Variants in SLC4A10 observed in about 807,000 individuals in gnomAD.
SLC4A10 encodes sodium-driven chloride bicarbonate exchanger.
SLC4A10 carries 42 observed loss-of-function variants against 137.7 expected under a neutral mutation model. The observed-to-expected ratio is 0.30, with a 90% CI of 0.24 to 0.39. The LOEUF (loss-of-function observed/expected upper bound fraction) is 0.39. SLC4A10 is among the 10% of genes least tolerant of loss of function. The probability of loss-of-function intolerance (pLI) is 1.00; values close to 1 mark genes in which losing one functional copy is unlikely to be tolerated. For synonymous variants in SLC4A10, 474 were observed against 464.1 expected (o/e 1.02, Z -0.27); for missense variants, 925 against 1,355.0 (o/e 0.68, Z 4.98).
chr2:161,983,065 C>T, intron 26 of SLC4A10, 114 bp from the exon 27 acceptor site: 1 of 833,512 alleles, frequency 1.2e-6, no homozygotes, highest in East Asian at 2.7e-5. Context: ...GAGAGCAATG[C>T]CTACGGGCTC....
intron 3 of SLC4A10, among the ~76,000 whole-genome samples, chr2:161,816,613 A>G (rs1321173663): frequency 2.0e-5 from 3 of 150,122 alleles, no homozygotes; most frequent in Admixed American, 1.3e-4. Flanking sequence ...ATATCTCCCA[A>G]TGCTATCCTT....
At chr2:161,777,733 G>C (rs1161490630) in intron 2 of SLC4A10, among the ~76,000 whole-genome samples, 1 of 151,900 alleles carries the variant, frequency 6.6e-6, no homozygotes, top group Non-Finnish European at 1.5e-5. Context: ...CCACCCCCAT[G>C]ATTCAGTCAT....
At position 161,654,842 on chromosome 2, in the gene SLC4A10, T is replaced by C. The variant is rs576329239; in HGVS notation, c.48+30276T>C. ...CCAGTTTTGCTCTTTTTTCTCAAGA[T>C]TGATTTAGCTATTTGGGGTTCTTTG... is the stretch of plus-strand genomic sequence containing the variant. On this transcript the variant is annotated intron_variant, in intron 1 of 26. Transcript: ENST00000446997. Among the ~76,000 whole-genome samples the C allele has an allele frequency of 2.7e-3, 417 of 152,296 alleles. 1 individual carries two copies. The highest frequency in any genetic ancestry group is 9.8e-3 in the African/African-American group (408 of 41,582).
chr2:161,862,708 A>G (rs1358187322), intron 5 of SLC4A10, among the ~76,000 whole-genome samples, 166 bp from the exon 6 acceptor site: 1 of 152,220 alleles, frequency 6.6e-6, no homozygotes, highest in East Asian at 1.9e-4. Flanking sequence ...AATGGAAGAT[A>G]AATTTCCATT....
intron 1 of SLC4A10, among the ~76,000 whole-genome samples, chr2:161,691,923 A>G (rs530604295): frequency 6.6e-6 from 1 of 152,266 alleles, no homozygotes; most frequent in South Asian, 2.1e-4. Flanking sequence ...GTTCAAATAA[A>G]ATATTATGCA....
chr2:161,757,651 G>T lies in SLC4A10; in HGVS notation c.49-13322G>T, dbSNP rs73005141. Among the ~76,000 whole-genome samples, 950 of 152,130 alleles carry T rather than the reference G, an allele frequency of 6.2e-3. 10 individuals carry two copies. Among genetic ancestry groups the T allele is most frequent in the African/African-American group, 0.022 (901 of 41,508 alleles). On this transcript the variant is annotated intron_variant, in intron 1 of 26. Coordinates refer to ENST00000446997, the MANE Select transcript of SLC4A10 (RefSeq NM_001178015.2). ...GTCAGAACTGGATGTGAACCTTGGC[G>T]GTCTGGTTTCAGAGCTTTTCTTACT...
intron 3 of SLC4A10, among the ~76,000 whole-genome samples, chr2:161,824,554 G>A (rs1486829834): frequency 6.6e-6 from 1 of 152,208 alleles, no homozygotes; most frequent in African/African-American, 2.4e-5. Flanking sequence ...CAGAAACCAT[G>A]TCAGAGGAAT....
intron 3 of SLC4A10, among the ~76,000 whole-genome samples, chr2:161,815,701 G>A (rs12988751): frequency 0.021 from 3,169 of 152,106 alleles, 55 homozygotes; most frequent in Middle Eastern, 0.031. Context: ...TTAATCTTGG[G>A]TGTTTCCCTA....
chr2:161,705,590 T>C (rs931825590), intron 1 of SLC4A10, among the ~76,000 whole-genome samples: 6 of 151,552 alleles, frequency 4.0e-5, no homozygotes, highest in African/African-American at 1.2e-4. Flanking sequence ...ATCACCAATA[T>C]AAGGGCATTA....
rs540352800 is a variant in SLC4A10, at chr2:161,726,698, C to G, written c.49-44275C>G. Among the ~76,000 whole-genome samples, 12 of 152,264 alleles carry G rather than the reference C, an allele frequency of 7.9e-5. No homozygotes were observed. In the South Asian group the frequency reaches 2.5e-3, roughly 32 times the overall value. ...CCGAGGCAGGCAGATCATTTGCAGT[C>G]AGGAGTTGGAGACCAGCCTGGCCAA... On this transcript the variant is annotated intron_variant, in intron 1 of 26. Transcript: ENST00000446997.
chr2:161,754,525 G>T (rs1445837250), intron 1 of SLC4A10, among the ~76,000 whole-genome samples: 1 of 152,094 alleles, frequency 6.6e-6, no homozygotes, highest in Non-Finnish European at 1.5e-5. Flanking sequence ...GGCAGAAAAG[G>T]AATCAAAATT....
intron 1 of SLC4A10, among the ~76,000 whole-genome samples, chr2:161,659,008 A>C (rs1428332416): frequency 6.6e-6 from 1 of 152,190 alleles, no homozygotes; most frequent in Non-Finnish European, 1.5e-5. Flanking sequence ...TTCTCAAAGA[A>C]TTAAAACTAG....
intron 1 of SLC4A10, among the ~76,000 whole-genome samples, chr2:161,767,139 A>ATATATATATATG (rs1362865580): frequency 2.1e-4 from 12 of 57,116 alleles, no homozygotes; most frequent in Non-Finnish European, 3.9e-4. Context: ...ATATATATAT[A>ATATATATATATG]TGTGTGTGTG....
chr2:161,950,551 A>T, intron 18 of SLC4A10, 136 bp from the exon 19 acceptor site: 3 of 685,666 alleles, frequency 4.4e-6, no homozygotes, highest in Non-Finnish European at 7.1e-6. Flanking sequence ...ATTTATGAGT[A>T]TTATTATTAT....
intron 15 of SLC4A10, among the ~76,000 whole-genome samples, chr2:161,930,083 G>T (rs148689205): frequency 1.3e-5 from 2 of 152,104 alleles, no homozygotes; most frequent in Non-Finnish European, 2.9e-5. Context: ...TTAGGACCAA[G>T]ATCTATAGTT....
chr2:161,894,917 T>TTTA (rs2063293466), intron 11 of SLC4A10, 92 bp downstream of exon 11: 1 of 736,836 alleles, frequency 1.4e-6, no homozygotes, highest in South Asian at 6.5e-5. Context: ...ATTTATTTAT[T>TTTA]TTATTATTAT....
rs571344898 is a variant in SLC4A10 at position 161,688,770 on chromosome 2, G to A, written c.48+64204G>A. On this transcript the variant is annotated intron_variant, in intron 1 of 26. Transcript: ENST00000446997. ...TCATTAGTGGGAAAATCATGATAAC[G>A]TTTGTCCTACCACAGATTATCGATT... Among the ~76,000 whole-genome samples the A allele has an allele frequency of 1.9e-3, 289 of 152,098 alleles. 1 individual carries two copies. Among genetic ancestry groups the A allele is most frequent in the African/African-American group, 6.2e-3 (258 of 41,492 alleles).
At chr2:161,638,518 G>A (rs968221510) in intron 1 of SLC4A10, among the ~76,000 whole-genome samples, 2 of 152,006 alleles carry the variant, frequency 1.3e-5, no homozygotes, top group Non-Finnish European at 2.9e-5. Context: ...TGATAGTTTG[G>A]TTACTATTGT....
intron 1 of SLC4A10, among the ~76,000 whole-genome samples, chr2:161,715,321 G>A (rs1371155762): frequency 6.6e-6 from 1 of 151,962 alleles, no homozygotes; most frequent in Non-Finnish European, 1.5e-5. Context: ...TACTGTGAAA[G>A]ACTTAATGGA....
Sources: allele counts gnomAD v4.1 joint callset (sites outside exome capture counted in the v4.1 genomes callset), GRCh38; gene constraint gnomAD v4.1.1; transcripts MANE v1.5; gene names NCBI Gene and HGNC (gene_info 2026-07-23, HGNC 2026-07-21).